The following DIS3L2 variants were observed in gnomAD, a reference collection of about 807,000 sequenced individuals.
The protein encoded by DIS3L2 is DIS3 like 3'-5' exoribonuclease 2.
In DIS3L2, 34 loss-of-function variants were observed where a neutral mutation model predicts 97.5. The ratio of observed to expected loss-of-function variants is 0.35; its 90% CI spans 0.27 to 0.46. DIS3L2 has a LOEUF of 0.46. Among genes scored for constraint, DIS3L2 ranks in the 20% least tolerant of loss-of-function variants. The probability of loss-of-function intolerance (pLI) is 1.00; values close to 1 mark genes in which losing one functional copy is unlikely to be tolerated. For synonymous variants in DIS3L2, 435 were observed against 445.2 expected, an observed-to-expected ratio of 0.98 and a Z score of 0.29; for missense variants, 1,038 against 1,146.0, an observed-to-expected ratio of 0.91 and a Z score of 1.36.
intron 6 of DIS3L2, 145 bp from the exon 7 acceptor site, chr2:232,130,474 C>A: frequency 2.4e-6 from 2 of 850,666 alleles, no homozygotes; most frequent in South Asian, 2.1e-5. Context: ...GTGACAGGTC[C>A]ACTGGCGGCC....
chr2:231,996,026 C>T (rs538678104), intron 1 of DIS3L2, among the ~76,000 whole-genome samples: 2 of 152,280 alleles, frequency 1.3e-5, no homozygotes, highest in African/African-American at 4.8e-5. Flanking sequence ...TTAGTACTGC[C>T]CTCACATCTG....
intron 5 of DIS3L2, among the ~76,000 whole-genome samples, chr2:232,068,756 T>C (rs1202351632): frequency 6.6e-6 from 1 of 151,930 alleles, no homozygotes; most frequent in Non-Finnish European, 1.5e-5. Flanking sequence ...TGTCCTGAAA[T>C]TTTTTTTATT....
At chr2:232,081,979 A>G (rs553071377) in intron 5 of DIS3L2, among the ~76,000 whole-genome samples, 23 of 152,300 alleles carry the variant, frequency 1.5e-4, no homozygotes, top group African/African-American at 5.3e-4. Flanking sequence ...TGGTAGAGAC[A>G]GGGTTTCGCC....
intron 13 of DIS3L2, among the ~76,000 whole-genome samples, chr2:232,287,616 C>G (rs1694481731): frequency 6.6e-6 from 1 of 152,002 alleles, no homozygotes; most frequent in Admixed American, 6.6e-5. Flanking sequence ...TGCTCTCAAA[C>G]TCATAGCCTC....
intron 10 of DIS3L2, among the ~76,000 whole-genome samples, chr2:232,233,036 C>A (rs1692838167): frequency 6.6e-6 from 1 of 152,134 alleles, no homozygotes. Flanking sequence ...CACCAGGCTT[C>A]AGATGCTGCT....
intron 1 of DIS3L2, among the ~76,000 whole-genome samples, chr2:231,964,910 G>A (rs1692669895): frequency 6.6e-6 from 1 of 152,182 alleles, no homozygotes; most frequent in African/African-American, 2.4e-5. Context: ...CTAAAGTACA[G>A]ATATAATTTG....
intron 1 of DIS3L2, among the ~76,000 whole-genome samples, chr2:231,994,339 C>T (rs1283965238): frequency 2.0e-5 from 3 of 150,820 alleles, no homozygotes; most frequent in Non-Finnish European, 3.0e-5. Context: ...TTTTTTTGGT[C>T]GTTCATTATT....
At chr2:232,057,060 A>G (rs1426530429) in intron 5 of DIS3L2, among the ~76,000 whole-genome samples, 2 of 152,238 alleles carry the variant, frequency 1.3e-5, no homozygotes, top group African/African-American at 2.4e-5. Context: ...TGTATATACA[A>G]TAGAATACTG....
At chr2:232,297,587 C>T (rs1694752272) in intron 13 of DIS3L2, among the ~76,000 whole-genome samples, 1 of 152,104 alleles carries the variant, frequency 6.6e-6, no homozygotes. Context: ...TATTAGTCTT[C>T]TGTCAAAGCA....
chr2:232,065,567 T>G (rs1295092478), intron 5 of DIS3L2, among the ~76,000 whole-genome samples: 1 of 151,864 alleles, frequency 6.6e-6, no homozygotes. Context: ...TCCATTAATC[T>G]ATTTATCTAT....
Position 232,087,706 on chromosome 2 carries a change from T to C in DIS3L2, c.586T>C (p.Cys196Arg), listed in dbSNP as rs1268041704. The C allele has an allele frequency of 6.2e-7, 1 of 1,613,872 alleles. No homozygotes were observed. The highest frequency in any genetic ancestry group is 1.3e-5 in the African/African-American group (1 of 74,922). ...TGATGGTGTTAAGAAACTCTCAGTT[T>C]GTGTTTCTGAGAAAGGTGAGTACTA... Reference protein sequence around the residue: ...LVDGVKKLSVCVSEKGREDGD... With the variant: ...LVDGVKKLSVRVSEKGREDGD... The change falls in exon 6 of 21, where the codon TGT (cysteine) becomes CGT (arginine). Residue 196 changes from cysteine (C) to arginine (R), a missense_variant. Physicochemically the swap from Cys to Arg is radical, Grantham distance 180. Transcript: ENST00000325385.
At position 232,263,426 on chromosome 2, in the gene DIS3L2, C is replaced by G. The variant is rs1693772290; in HGVS notation, c.1645C>G (p.Leu549Val). The change falls in exon 13 of 21, where the codon CTT becomes GTT. Residue 549 changes from leucine (L) to valine (V), a missense_variant. This residue lies in a region of DIS3L2 where 813 missense variants were observed against 880.1 expected (regional missense o/e 0.92). Coordinates refer to ENST00000325385, the MANE Select transcript of DIS3L2 (RefSeq NM_152383.5). ...CCAGCAGCGCTTTGTGGACGGCGCA[C>G]TTCGTTTGGATCAGGTCAGTACGTG... ...LRQQRFVDGA[L>V]RLDQLKLAFT... is the part of the protein sequence containing the mutation. The G allele has an allele frequency of 6.2e-7, 1 of 1,614,184 alleles. No homozygotes were observed. Among genetic ancestry groups the G allele is most frequent in the Middle Eastern group, 1.6e-4 (1 of 6,062 alleles).
intron 14 of DIS3L2, among the ~76,000 whole-genome samples, chr2:232,315,215 A>G (rs1381695648): frequency 2.6e-5 from 4 of 151,896 alleles, no homozygotes; most frequent in Non-Finnish European, 5.9e-5. Flanking sequence ...AGCCCTCCCC[A>G]CCCCCATACC....
downstream of DIS3L2, among the ~76,000 whole-genome samples, chr2:232,338,176 C>G (rs115620014): frequency 0.011 from 1,717 of 152,210 alleles, 33 homozygotes; most frequent in African/African-American, 0.038. Context: ...CCTTCCCCTC[C>G]CCTCCATGCT....
intron 10 of DIS3L2, among the ~76,000 whole-genome samples, chr2:232,235,626 A>G (rs1486300364): frequency 6.6e-6 from 1 of 152,240 alleles, no homozygotes; most frequent in Non-Finnish European, 1.5e-5. Context: ...GTTCATGTGC[A>G]GTAACACAGA....
intron 1 of DIS3L2, among the ~76,000 whole-genome samples, chr2:231,994,774 T>G (rs1173370804): frequency 6.6e-6 from 1 of 151,948 alleles, no homozygotes; most frequent in Non-Finnish European, 1.5e-5. Context: ...TTCTTTCGCT[T>G]GTGTTTATTT....
At chr2:232,235,613 A>G (rs1352481660) in intron 10 of DIS3L2, among the ~76,000 whole-genome samples, 4 of 152,216 alleles carry the variant, frequency 2.6e-5, no homozygotes, top group African/African-American at 9.6e-5. Flanking sequence ...CTAAGGACAG[A>G]AAGTTCATGT....
intron 9 of DIS3L2, among the ~76,000 whole-genome samples, chr2:232,175,018 A>T (rs1330171679): frequency 6.6e-6 from 1 of 151,944 alleles, no homozygotes; most frequent in Non-Finnish European, 1.5e-5. Context: ...TTGTGGAGAT[A>T]GGGTTTTGCT....
At chr2:232,316,441 G>A (rs576462107) in intron 14 of DIS3L2, among the ~76,000 whole-genome samples, 14 of 152,068 alleles carry the variant, frequency 9.2e-5, no homozygotes, top group African/African-American at 3.1e-4. Flanking sequence ...TGCCTTTACA[G>A]TCAGGGCCAG....
Sources: allele counts gnomAD v4.1 joint callset (sites outside exome capture counted in the v4.1 genomes callset), GRCh38; gene constraint gnomAD v4.1.1; regional missense constraint gnomAD v4.1.1; transcripts MANE v1.5; gene names NCBI Gene and HGNC (gene_info 2026-07-23, HGNC 2026-07-21).